The following IL31RA variants were observed in gnomAD, a reference collection of about 807,000 sequenced individuals.
IL31RA encodes the protein interleukin-31 receptor subunit alpha.
IL31RA carries 66 observed loss-of-function variants against 83.7 expected under a neutral mutation model. The observed-to-expected ratio is 0.79, with a 90% CI of 0.65 to 0.97. IL31RA has a LOEUF of 0.97. Ranked by LOEUF, IL31RA falls within the 50% of genes least tolerant of loss-of-function variation. IL31RA has a pLI of 0.00. For missense variants in IL31RA, 798 were observed against 919.4 expected (o/e 0.87, Z 1.71); for synonymous variants, 325 against 329.0 (o/e 0.99, Z 0.13).
At chr5:55,893,706 A>T (rs1748154677) in intron 6 of IL31RA, among the ~76,000 whole-genome samples, 1 of 152,118 alleles carries the variant, frequency 6.6e-6, no homozygotes, top group South Asian at 2.1e-4. Context: ...CTCTCTTTGG[A>T]CCATATTTGC....
intron 4 of IL31RA, among the ~76,000 whole-genome samples, chr5:55,881,715 GA>G (rs1352638892): frequency 3.5e-4 from 27 of 77,510 alleles, no homozygotes; most frequent in Admixed American, 5.5e-4. Context: ...CAGTTCCTGA[GA>G]TTTTTTTTTT....
At chr5:55,901,580 TATTGTC>T (rs1417397010) in intron 8 of IL31RA, among the ~76,000 whole-genome samples, 46 of 115,542 alleles carry the variant, frequency 4.0e-4, no homozygotes, top group Non-Finnish European at 7.4e-4. Flanking sequence ...TAATTATTAC[TATTGTC>T]ATTATTATTA....
rs1749217188 is a variant in IL31RA at position 55,907,387 on chromosome 5, C to G, written c.1281C>G (p.Asn427Lys). 1 of 1,613,114 alleles carries G rather than the reference C, an allele frequency of 6.2e-7. No homozygotes were observed. The highest frequency in any genetic ancestry group is 8.5e-7 in the Non-Finnish European group (1 of 1,179,194). Residue 427 changes from asparagine to lysine, a missense_variant, in exon 10 of 15, where the codon AAC (asparagine) becomes AAG (lysine). Transcript: ENST00000652347. ...QDKLKPFWCY[N>K]ISVYPMLHDK... ...AATTAAAACCTTTCTGGTGCTATAACATCTCTGTGTATCCAATGTTGCATG... is the reference window on the plus strand; with the variant it reads ...AATTAAAACCTTTCTGGTGCTATAAGATCTCTGTGTATCCAATGTTGCATG...
intron 2 of IL31RA, among the ~76,000 whole-genome samples, chr5:55,862,367 T>G (rs67485149): frequency 0.06 from 9,134 of 152,282 alleles, 370 homozygotes; most frequent in African/African-American, 0.12. Flanking sequence ...TATTTGGATT[T>G]CACTAGTTTT....
At chr5:55,870,592 C>G (rs192671685) in intron 3 of IL31RA, among the ~76,000 whole-genome samples, 8 of 152,048 alleles carry the variant, frequency 5.3e-5, no homozygotes, top group Admixed American at 5.2e-4. Context: ...TTATTATCAC[C>G]AGTTGGACAT....
chr5:55,908,840 G>A, intron 11 of IL31RA: 1 of 1,356,718 alleles, frequency 7.4e-7, no homozygotes, highest in Non-Finnish European at 9.4e-7. Context: ...TTAAATACTG[G>A]GCAAGGCTTG....
chr5:55,876,833 G>A (rs116249901), intron 4 of IL31RA, among the ~76,000 whole-genome samples: 152 of 152,088 alleles, frequency 1.0e-3, no homozygotes, highest in African/African-American at 3.3e-3. Flanking sequence ...GGCCTCAAAT[G>A]AACCCTCTGC....
At chr5:55,892,246 T>A (rs2112482697) in intron 6 of IL31RA, among the ~76,000 whole-genome samples, 1 of 152,338 alleles carries the variant, frequency 6.6e-6, no homozygotes, top group African/African-American at 2.4e-5. Context: ...TTATAAGGGA[T>A]GTGAGTTTTA....
chr5:55,885,590 G>A (rs1365358872), intron 5 of IL31RA, among the ~76,000 whole-genome samples: 4 of 152,154 alleles, frequency 2.6e-5, no homozygotes, highest in South Asian at 4.2e-4. Context: ...GTCGACATGC[G>A]CGGACAAGAC....
chr5:55,920,267 C>T lies in IL31RA; in HGVS notation c.*3147C>T, dbSNP rs139938424. On this transcript the variant is annotated 3_prime_UTR_variant, in exon 15 of 15. Coordinates refer to ENST00000652347, the MANE Select transcript of IL31RA (RefSeq NM_139017.7). The stretch of plus-strand genomic sequence containing the variant: ...GAAAGCCTGTGCTGGCCTGTCCACC[C>T]CAGTCTGATTCTGTCCCCATTTCCA... 1.4e-3 allele frequency among the ~76,000 whole-genome samples: 214 copies of T among 152,354 alleles called. 1 individual carries two copies. The highest frequency in any genetic ancestry group is 5.0e-3 in the African/African-American group (209 of 41,582).
chr5:55,907,090 T>C (rs552838616), intron 9 of IL31RA, among the ~76,000 whole-genome samples: 3 of 152,324 alleles, frequency 2.0e-5, no homozygotes, highest in Non-Finnish European at 1.5e-5. Context: ...TCTGCTGCAA[T>C]AGTATTTGGT....
Position 55,917,620 on chromosome 5 carries a change from C to T in IL31RA, c.*500C>T, listed in dbSNP as rs1169226560. 6.6e-6 allele frequency among the ~76,000 whole-genome samples: 1 copy of T among 152,176 alleles called. No individual in the cohort carries two copies. The highest frequency in any genetic ancestry group is 1.9e-4 in the East Asian group (1 of 5,194). The stretch of plus-strand genomic sequence containing the variant: ...CCCTACAAGGTAGCCCTGAAGCCTT[C>T]CTCTCTCCCCATAGTTGGGGCTGGA... On this transcript the variant is annotated 3_prime_UTR_variant, in exon 15 of 15. Coordinates refer to ENST00000652347, the MANE Select transcript of IL31RA (RefSeq NM_139017.7).
At chr5:55,886,268 C>CTTTTTTTTTTTTTTTTTT (rs35481013) in intron 5 of IL31RA, among the ~76,000 whole-genome samples, 5 of 71,502 alleles carry the variant, frequency 7.0e-5, no homozygotes, top group African/African-American at 3.6e-4. Context: ...TGCTTGCTTG[C>CTTTTTTTTTTTTTTTTTT]TTTTTTTTTT....
rs188736856 is a variant in IL31RA at position 55,919,834 on chromosome 5, A to G, written c.*2714A>G. Among the ~76,000 whole-genome samples the G allele has an allele frequency of 1.1e-3, 170 of 152,310 alleles. No homozygotes were observed. The highest frequency in any genetic ancestry group is 4.0e-3 in the African/African-American group (167 of 41,574). On this transcript the variant is annotated 3_prime_UTR_variant, in exon 15 of 15. Coordinates refer to ENST00000652347, the MANE Select transcript of IL31RA (RefSeq NM_139017.7). ...CTTCCTCTCCTGGATCGAGTCACCA[A>G]CTGTCCCCGCTCTGGGCACCAGGGA...
intron 6 of IL31RA, among the ~76,000 whole-genome samples, chr5:55,893,217 C>T (rs781281393): frequency 2.3e-4 from 35 of 152,158 alleles, no homozygotes; most frequent in Non-Finnish European, 3.5e-4. Flanking sequence ...ATTTCTTAAA[C>T]GCTTATGATA....
chr5:55,847,671 A>G (rs779783360), upstream of IL31RA, among the ~76,000 whole-genome samples: 12 of 152,196 alleles, frequency 7.9e-5, no homozygotes, highest in Non-Finnish European at 1.5e-4. Context: ...ATTATGGTAC[A>G]TTTGTCAAAA....
intron 14 of IL31RA, 133 bp from the exon 15 acceptor site, chr5:55,916,511 C>T: frequency 1.3e-6 from 1 of 773,844 alleles, no homozygotes; most frequent in Non-Finnish European, 2.3e-6. Flanking sequence ...GGTTGGCTAC[C>T]ACTTCTGGGC....
intron 4 of IL31RA, among the ~76,000 whole-genome samples, chr5:55,880,904 CA>C (rs1350889606): frequency 6.6e-6 from 1 of 152,226 alleles, no homozygotes; most frequent in Non-Finnish European, 1.5e-5. Flanking sequence ...TATGGGTCTG[CA>C]GCAACCTCAG....
chr5:55,880,316 A>G (rs562477223), intron 4 of IL31RA, among the ~76,000 whole-genome samples: 2 of 152,290 alleles, frequency 1.3e-5, no homozygotes, highest in South Asian at 4.1e-4. Flanking sequence ...TTAATGTTTT[A>G]AAGTCCATGT....
Sources: allele counts gnomAD v4.1 joint callset (sites outside exome capture counted in the v4.1 genomes callset), GRCh38; gene constraint gnomAD v4.1.1; transcripts MANE v1.5; gene names NCBI Gene and HGNC (gene_info 2026-07-23, HGNC 2026-07-21).